Variants in PCDHA6 observed in about 807,000 individuals in gnomAD.
The protein encoded by PCDHA6 is protocadherin alpha-6.
PCDHA6 carries 55 observed loss-of-function variants against 60.3 expected under a neutral mutation model. The ratio of observed to expected loss-of-function variants is 0.91; its 90% CI spans 0.73 to 1.14. The LOEUF is 1.14. PCDHA6 is among the 50% of genes most tolerant of loss of function. PCDHA6 has a pLI of 0.00. For synonymous variants in PCDHA6, 652 were observed against 557.9 expected, an observed-to-expected ratio of 1.17 and a Z score of -2.38; for missense variants, 1,327 against 1,256.5, an observed-to-expected ratio of 1.06 and a Z score of -0.85.
At position 140,830,462 on chromosome 5, in the gene PCDHA6, T is replaced by C; in HGVS notation, c.2371T>C (p.Leu791=). 1 of 1,579,416 alleles carries C rather than the reference T, an allele frequency of 6.3e-7. No homozygotes were observed. The highest frequency in any genetic ancestry group is 8.6e-7 in the Non-Finnish European group (1 of 1,160,008). Reference sequence around the variant, plus strand: ...GATGGGTAAGGCGGAGAATCAGGATTTAAATGAAGATCATGATGCCAAAGT... The same window carrying C: ...GATGGGTAAGGCGGAGAATCAGGATCTAAATGAAGATCATGATGCCAAAGT... ...IMMGKAENQD[L]NEDHDAKPRQ... Residue 791 remains leucine (L), a synonymous_variant, in exon 1 of 4, where the codon TTA becomes CTA. Transcript: ENST00000529310.
At chr5:140,874,887 T>G (rs1315281628) in intron 1 of PCDHA6, among the ~76,000 whole-genome samples, 2 of 152,350 alleles carry the variant, frequency 1.3e-5, no homozygotes, top group East Asian at 3.9e-4. Context: ...AATTCCTAAC[T>G]TTCTCTAAAA....
chr5:140,966,599 C>T, intron 1 of PCDHA6: 1 of 631,096 alleles, frequency 1.6e-6, no homozygotes, highest in Non-Finnish European at 2.4e-6. Context: ...GGCCAGGAGC[C>T]CTTGGGAGGG....
intron 1 of PCDHA6, among the ~76,000 whole-genome samples, chr5:140,941,562 G>A (rs1032844993): frequency 1.3e-5 from 2 of 151,596 alleles, no homozygotes; most frequent in African/African-American, 2.4e-5. Flanking sequence ...TGATCCATTC[G>A]CCTCAGCCTC....
chr5:140,951,503 A>G (rs1554219922), intron 1 of PCDHA6, among the ~76,000 whole-genome samples: 1 of 151,992 alleles, frequency 6.6e-6, no homozygotes, highest in African/African-American at 2.4e-5. Flanking sequence ...AGGCAAAAGG[A>G]AAGCGGCTCA....
Position 140,835,484 on chromosome 5 carries a change from C to A in PCDHA6, c.2394+4999C>A, listed in dbSNP as rs2150236532. On this transcript the variant is annotated intron_variant, in intron 1 of 3. Coordinates refer to ENST00000529310, the MANE Select transcript of PCDHA6 (RefSeq NM_018909.4). ...TTCCAGAGGACGCCCAACCAGGTAC[C>A]GTCATCACATTGATTAGCGTGTTTG... The A allele has an allele frequency of 3.7e-6, 6 of 1,613,808 alleles. No individual in the cohort carries two copies. The African/African-American group carries it at 6.7e-5, about 18-fold the overall frequency.
rs138591837 is a variant in PCDHA6 at position 140,843,301 on chromosome 5, C to T, written c.2394+12816C>T. The T allele has an allele frequency of 6.3e-6, 10 of 1,595,850 alleles. 1 individual carries two copies. The African/African-American group carries it at 6.7e-5, about 11-fold the overall frequency. On this transcript the variant is annotated intron_variant, in intron 1 of 3. Transcript: ENST00000529310. The stretch of plus-strand genomic sequence containing the variant: ...AGGATCATGGTGAACCTGCGCTGAC[C>T]GCCACGGCCACGGTTCTGGTGTCGC...
chr5:140,868,999 T>A (rs976594778), intron 1 of PCDHA6: 72 of 1,518,578 alleles, frequency 4.7e-5, no homozygotes, highest in African/African-American at 4.5e-4. Flanking sequence ...CGTTTAAGGA[T>A]CCTTTGAAAC....
intron 3 of PCDHA6, among the ~76,000 whole-genome samples, chr5:140,995,158 A>G (rs1554254485): frequency 6.6e-6 from 1 of 152,180 alleles, no homozygotes; most frequent in African/African-American, 2.4e-5. Flanking sequence ...TATATACATT[A>G]TGTTCTTTCA....
chr5:140,832,888 A>G (rs1772201614), intron 1 of PCDHA6, among the ~76,000 whole-genome samples: 2 of 152,142 alleles, frequency 1.3e-5, no homozygotes, highest in Non-Finnish European at 2.9e-5. Flanking sequence ...AAATGGAAAG[A>G]GTTTTCCCTG....
intron 3 of PCDHA6, among the ~76,000 whole-genome samples, chr5:140,997,372 A>G (rs2097768557): frequency 6.6e-6 from 1 of 152,208 alleles, no homozygotes; most frequent in Non-Finnish European, 1.5e-5. Context: ...CCTAGATGAT[A>G]TAGCATACTA....
chr5:140,938,215 G>C (rs1270663444), intron 1 of PCDHA6, among the ~76,000 whole-genome samples: 3 of 152,100 alleles, frequency 2.0e-5, no homozygotes, highest in Non-Finnish European at 4.4e-5. Context: ...CAAAGTGCTG[G>C]GATTACAGGC....
At chr5:140,983,463 C>T (rs1554245464) in intron 3 of PCDHA6, among the ~76,000 whole-genome samples, 1 of 152,208 alleles carries the variant, frequency 6.6e-6, no homozygotes, top group Non-Finnish European at 1.5e-5. Flanking sequence ...AATAGAACAT[C>T]ATGATGATAA....
intron 1 of PCDHA6, among the ~76,000 whole-genome samples, chr5:140,832,237 T>C (rs1554133481): frequency 4.6e-5 from 7 of 152,218 alleles, no homozygotes. Flanking sequence ...TTTGACTTTT[T>C]GTGTTGTCCA....
At position 140,848,233 on chromosome 5, in the gene PCDHA6, TAA is replaced by T. The variant is rs1363334655; in HGVS notation, c.2394+17749_2394+17750del. The stretch of plus-strand genomic sequence containing the variant: ...TTAAGAAAAAATTAAGAAAATGAAA[TAA>T]GTTTTGCAGAATAACTGTGAAATTT... On this transcript the variant is annotated intron_variant, in intron 1 of 3. Transcript: ENST00000529310. The T allele has an allele frequency of 7.5e-5, 31 of 410,834 alleles. 1 individual carries two copies. Among genetic ancestry groups the T allele is most frequent in the Middle Eastern group, 1.3e-3 (2 of 1,546 alleles). 25.4% of individuals were successfully genotyped at this position (410,834 alleles called of 1,614,324 possible).
chr5:140,916,211 G>C (rs1373329073), intron 1 of PCDHA6, among the ~76,000 whole-genome samples: 4 of 152,182 alleles, frequency 2.6e-5, no homozygotes, highest in Non-Finnish European at 5.9e-5. Flanking sequence ...CCCTGGGGAA[G>C]ATCCAAATAT....
intron 1 of PCDHA6, chr5:140,877,600 C>G (rs1554169914): frequency 6.2e-7 from 1 of 1,613,878 alleles, no homozygotes; most frequent in Admixed American, 1.7e-5. Context: ...GGTGTCCAGC[C>G]TGCTGGTGCT....
chr5:140,894,253 T>C (rs1554186000), intron 1 of PCDHA6, among the ~76,000 whole-genome samples: 1 of 152,112 alleles, frequency 6.6e-6, no homozygotes, highest in Non-Finnish European at 1.5e-5. Context: ...TTCTTTTCTT[T>C]ACAAGTGGTA....
chr5:140,988,156 C>A (rs546335543), intron 3 of PCDHA6, among the ~76,000 whole-genome samples: 1 of 152,054 alleles, frequency 6.6e-6, no homozygotes, highest in Non-Finnish European at 1.5e-5. Flanking sequence ...CAACTTCTGC[C>A]GTTGTCATAG....
At chr5:140,841,225 C>T (rs1777101106) in intron 1 of PCDHA6, 1 of 1,448,206 alleles carries the variant, frequency 6.9e-7, no homozygotes, top group Non-Finnish European at 9.3e-7. Context: ...GGCCGAACAA[C>T]GGGAGATGCA....
Sources: gnomAD v4.1 joint callset for allele counts (sites outside exome capture counted in the v4.1 genomes callset) on GRCh38, gnomAD v4.1.1 for gene constraint, MANE v1.5 for transcripts, NCBI Gene and HGNC (gene_info 2026-07-23, HGNC 2026-07-21) for gene names.